The following COL4A6 variants were observed in gnomAD, a reference collection of about 807,000 sequenced individuals.
The protein encoded by COL4A6 is collagen alpha-6(IV) chain.
In COL4A6, 59 loss-of-function variants were observed where a neutral mutation model predicts 126.7. The ratio of observed to expected loss-of-function variants is 0.47; its 90% CI spans 0.38 to 0.58. The LOEUF is 0.58. COL4A6 is among the 20% of genes least tolerant of loss of function. The pLI is 0.00. For missense variants in COL4A6, 1,285 were observed against 1,337.3 expected (o/e 0.96, Z 0.61); for synonymous variants, 547 against 496.6 (o/e 1.10, Z -1.35).
At chrX:108,231,685 T>A (rs1002131977) in intron 3 of COL4A6, among the ~76,000 whole-genome samples, 2 of 111,832 alleles carry the variant, frequency 1.8e-5, no homozygotes, top group African/African-American at 6.5e-5. Context: ...CATTGAATGA[T>A]GCTCTGAACG....
rs1476867430 is a variant in COL4A6 at position 108,187,254 on chromosome X, C to T, written c.1793G>A (p.Gly598Asp). ...AGGAAGTCCAGGTAACCCCTTTTCA[C>T]CTGGGAAGCCCTGTCCACCATCACC... ...LPGDGGQGFP[G>D]EKGLPGLPGE... Residue 598 changes from glycine to aspartate, a missense_variant, in exon 23 of 45, where the codon GGT becomes GAT. By Grantham distance (94) the Gly-to-Asp change is moderately conservative (BLOSUM62 -1). Coordinates refer to ENST00000334504, the MANE Select transcript of COL4A6 (RefSeq NM_033641.4). The T allele has an allele frequency of 8.6e-7, 1 of 1,165,087 alleles. No homozygotes were observed. The highest frequency in any genetic ancestry group is 1.2e-6 in the Non-Finnish European group (1 of 868,578).
chrX:108,305,236 G>C (rs1214065670), intron 3 of COL4A6, among the ~76,000 whole-genome samples: 1 of 112,285 alleles, frequency 8.9e-6, no homozygotes, highest in East Asian at 2.8e-4. Flanking sequence ...AGTATATGTA[G>C]AAGGGGTGGC....
At chrX:108,245,295 G>A (rs766482600) in intron 3 of COL4A6, among the ~76,000 whole-genome samples, 2 of 112,188 alleles carry the variant, frequency 1.8e-5, no homozygotes, top group South Asian at 7.5e-4. Context: ...TCACTGCTGT[G>A]AGATATTTTT....
intron 2 of COL4A6, among the ~76,000 whole-genome samples, chrX:108,348,501 A>G (rs2039765368): frequency 8.9e-6 from 1 of 112,209 alleles, no homozygotes; most frequent in Non-Finnish European, 1.9e-5. Context: ...TGAGTTTTCT[A>G]AATTTCCTAA....
At chrX:108,303,112 C>T (rs777854610) in intron 3 of COL4A6, among the ~76,000 whole-genome samples, 1 of 109,262 alleles carries the variant, frequency 9.2e-6, no homozygotes, top group Admixed American at 9.9e-5. Flanking sequence ...TATCCTGCTG[C>T]TGCAGTTTTC....
chrX:108,278,876 C>T (rs2037706080), intron 3 of COL4A6, among the ~76,000 whole-genome samples: 1 of 111,217 alleles, frequency 9.0e-6, no homozygotes, highest in Non-Finnish European at 1.9e-5. Context: ...TCCAGAATTT[C>T]ATATCCAGCC....
chrX:108,438,492 C>T (rs1028988271), upstream of COL4A6: 57 of 980,017 alleles, frequency 5.8e-5, no homozygotes, highest in Middle Eastern at 8.2e-4. Context: ...AATCATCCCC[C>T]CTACCTTGGG....
At chrX:108,204,972 GAAGA>G (rs2035501984) in intron 11 of COL4A6, among the ~76,000 whole-genome samples, 1 of 108,812 alleles carries the variant, frequency 9.2e-6, no homozygotes, top group African/African-American at 3.4e-5. Flanking sequence ...AGAGGTTAAA[GAAGA>G]GAGATAGAGG....
chrX:108,309,855 G>T lies in COL4A6; in HGVS notation c.144+893C>A, dbSNP rs188464122. Among the ~76,000 whole-genome samples the T allele has an allele frequency of 3.5e-3, 343 of 99,328 alleles. 1 individual carries two copies. Among genetic ancestry groups the T allele is most frequent in the Non-Finnish European group, 5.6e-3 (271 of 48,478 alleles). The allele number at this position is 99,328 out of a possible 115,157, so 86.3% of individuals were successfully genotyped here. A position where few individuals can be genotyped will look rare whatever the true frequency, so the allele number is the denominator to read the frequency against. On this transcript the variant is annotated intron_variant, in intron 3 of 44. Coordinates refer to ENST00000334504, the MANE Select transcript of COL4A6 (RefSeq NM_033641.4). ...ACACACACACACACACACACAGATG[G>T]ATCATCCCTAGTCCAAAAATCCAAA... is the stretch of plus-strand genomic sequence containing the variant.
chrX:108,265,383 C>T (rs1318909816), intron 3 of COL4A6, among the ~76,000 whole-genome samples: 1 of 38,688 alleles, frequency 2.6e-5, no homozygotes, highest in East Asian at 8.9e-4. Flanking sequence ...ATTCATTCAC[C>T]TATTCAGTTT....
chrX:108,202,014 C>G (rs1377354991), intron 13 of COL4A6, among the ~76,000 whole-genome samples: 3 of 112,069 alleles, frequency 2.7e-5, no homozygotes, highest in Non-Finnish European at 3.8e-5. Flanking sequence ...CACCTTCTTA[C>G]TGTTCCTCAA....
At chrX:108,338,192 C>A (rs1053644257) in intron 2 of COL4A6, among the ~76,000 whole-genome samples, 2 of 111,646 alleles carry the variant, frequency 1.8e-5, no homozygotes, top group African/African-American at 6.5e-5. Context: ...CAGTGTTTAA[C>A]CATAAGAATA....
intron 3 of COL4A6, among the ~76,000 whole-genome samples, chrX:108,264,272 A>G (rs1285748748): frequency 3.6e-5 from 4 of 111,888 alleles, no homozygotes; most frequent in African/African-American, 1.3e-4. Context: ...TACTGTATAC[A>G]TATTGGGTTA....
Position 108,178,832 on chromosome X carries a change from C to T in COL4A6, c.2367G>A (p.Lys789=). 1 of 1,209,469 alleles carries T rather than the reference C, an allele frequency of 8.3e-7. No homozygotes were observed. Among genetic ancestry groups the T allele is most frequent in the Non-Finnish European group, 1.1e-6 (1 of 894,822 alleles). Residue 789 remains lysine (K), a synonymous_variant, in exon 27 of 45, where the codon AAG becomes AAA. Transcript: ENST00000334504. ...GLPGLKGVHG[K]PGLLGPKGER... is the part of the protein sequence containing the mutation. ...CACCTTTGGGGCCTAGTAAGCCAGGCTTCCCGTGCACACCTGATAAAAGAA... is the reference window on the plus strand; with the variant it reads ...CACCTTTGGGGCCTAGTAAGCCAGGTTTCCCGTGCACACCTGATAAAAGAA...
chrX:108,161,913 C>A (rs944703123), intron 41 of COL4A6, among the ~76,000 whole-genome samples, 178 bp from the exon 42 acceptor site: 7 of 112,555 alleles, frequency 6.2e-5, no homozygotes, highest in African/African-American at 1.6e-4. Flanking sequence ...GTTCTTAGTT[C>A]ATGGGGGCAT....
intron 2 of COL4A6, among the ~76,000 whole-genome samples, chrX:108,387,965 T>G (rs908496775): frequency 5.4e-5 from 6 of 111,969 alleles, no homozygotes; most frequent in Non-Finnish European, 9.4e-5. Flanking sequence ...CTGCATCTAT[T>G]GAGATAATCA....
intron 2 of COL4A6, among the ~76,000 whole-genome samples, chrX:108,437,714 T>C (rs2064293394): frequency 1.8e-5 from 2 of 111,555 alleles, no homozygotes; most frequent in African/African-American, 6.5e-5. Flanking sequence ...CCACTTTTAT[T>C]TTCCCAACCC....
chrX:108,426,193 G>A (rs1018004624), intron 2 of COL4A6, among the ~76,000 whole-genome samples: 18 of 111,538 alleles, frequency 1.6e-4, no homozygotes, highest in Admixed American at 1.2e-3. Flanking sequence ...CCTTGGGTAC[G>A]GAAAAATGGT....
intron 2 of COL4A6, among the ~76,000 whole-genome samples, chrX:108,419,947 A>G (rs950523454): frequency 1.3e-4 from 15 of 112,094 alleles, no homozygotes; most frequent in Non-Finnish European, 2.4e-4. Flanking sequence ...AAAATTAACA[A>G]ATTGACAAGT....
Sources: gnomAD v4.1 joint callset for allele counts (sites outside exome capture counted in the v4.1 genomes callset) on GRCh38, gnomAD v4.1.1 for gene constraint, MANE v1.5 for transcripts, NCBI Gene and HGNC (gene_info 2026-07-23, HGNC 2026-07-21) for gene names.